LRIG1: variants seen among roughly 807,000 people sequenced by gnomAD.
The protein encoded by LRIG1 is leucine rich repeats and immunoglobulin like domains 1, also known as leucine-rich repeats and immunoglobulin-like domains protein 1.
LRIG1 carries 48 observed loss-of-function variants against 99.2 expected under a neutral mutation model. The ratio of observed to expected loss-of-function variants is 0.48; its 90% CI spans 0.38 to 0.62. The LOEUF (loss-of-function observed/expected upper bound fraction) is 0.62, where lower values mean the gene tolerates loss of function less well. Ranked by LOEUF, LRIG1 falls within the 20% of genes least tolerant of loss-of-function variation. The pLI is 0.00. For synonymous variants in LRIG1, 772 were observed against 596.1 expected (o/e 1.29, Z -4.30); for missense variants, 1,646 against 1,434.4 (o/e 1.15, Z -2.38).
intron 7 of LRIG1, among the ~76,000 whole-genome samples, chr3:66,409,388 G>A (rs918922589): frequency 1.3e-5 from 2 of 152,164 alleles, no homozygotes; most frequent in Non-Finnish European, 2.9e-5. Flanking sequence ...GGTGGCCAGG[G>A]CCACTGCCCA....
Position 66,381,498 on chromosome 3 carries a change from T to A in LRIG1, c.2751A>T (p.Thr917=). ...PWKAMEKAEG[T]PGPHKMEHGG... ...TCATACCCATCTTATGTGGCCCAGGTGTCCCTTCAGCTTTCTCCATCGCTT... is the reference window on the plus strand; with the variant it reads ...TCATACCCATCTTATGTGGCCCAGGAGTCCCTTCAGCTTTCTCCATCGCTT... The change falls in exon 17 of 19, where the codon ACA becomes ACT. Residue 917 remains threonine, a synonymous_variant. Coordinates refer to ENST00000273261, the MANE Select transcript of LRIG1 (RefSeq NM_015541.3). 1 of 1,613,654 alleles carries A rather than the reference T, an allele frequency of 6.2e-7. No individual in the cohort carries two copies.
chr3:66,445,987 T>C (rs1429363119), intron 3 of LRIG1, among the ~76,000 whole-genome samples: 2 of 152,200 alleles, frequency 1.3e-5, no homozygotes, highest in Non-Finnish European at 2.9e-5. Context: ...GGGACTCTCA[T>C]TATTCCCCCC....
chr3:66,456,456 C>G (rs1277320507), intron 2 of LRIG1, among the ~76,000 whole-genome samples: 1 of 151,872 alleles, frequency 6.6e-6, no homozygotes, highest in Admixed American at 6.6e-5. Flanking sequence ...GCCTGTAGTT[C>G]CAGCTACTCA....
chr3:66,489,673 G>T (rs867488844), intron 1 of LRIG1, among the ~76,000 whole-genome samples: 1 of 152,006 alleles, frequency 6.6e-6, no homozygotes, highest in Non-Finnish European at 1.5e-5. Flanking sequence ...ATAGAATCAT[G>T]AACCTAAAAA....
At chr3:66,427,952 G>GC (rs1304484141) in intron 3 of LRIG1, among the ~76,000 whole-genome samples, 1 of 152,192 alleles carries the variant, frequency 6.6e-6, no homozygotes, top group Admixed American at 6.5e-5. Context: ...CTGGGTTGCT[G>GC]CATTAGCAGT....
chr3:66,410,494 G>A (rs1206544016), intron 6 of LRIG1, among the ~76,000 whole-genome samples: 2 of 152,324 alleles, frequency 1.3e-5, no homozygotes, highest in South Asian at 2.1e-4. Flanking sequence ...AGGCCGACTC[G>A]AGTGTTCATA....
intron 1 of LRIG1, among the ~76,000 whole-genome samples, chr3:66,486,793 T>A (rs1009889133): frequency 2.0e-5 from 3 of 152,218 alleles, no homozygotes; most frequent in African/African-American, 7.2e-5. Flanking sequence ...CTGACTAGAA[T>A]TTTCCAACTA....
chr3:66,479,428 G>A (rs771563966), intron 1 of LRIG1, among the ~76,000 whole-genome samples: 21 of 152,130 alleles, frequency 1.4e-4, no homozygotes, highest in African/African-American at 2.2e-4. Flanking sequence ...CCAAACAGAC[G>A]GGCAAGTTAT....
At chr3:66,395,814 G>A (rs972894362) in intron 11 of LRIG1, among the ~76,000 whole-genome samples, 1 of 152,196 alleles carries the variant, frequency 6.6e-6, no homozygotes, top group South Asian at 2.1e-4. Flanking sequence ...GGCATGGGGG[G>A]AACTCAGCCT....
chr3:66,381,408 G>A, intron 17 of LRIG1, 71 bp downstream of exon 17: 1 of 1,475,770 alleles, frequency 6.8e-7, no homozygotes, highest in Non-Finnish European at 9.3e-7. Context: ...CTCCCCCTTT[G>A]ATGTAGTGAC....
rs560652426 is a variant in LRIG1 at position 66,385,843 on chromosome 3, C to T, written c.1789+138G>A. The T allele has an allele frequency of 6.7e-5, 54 of 803,956 alleles. No homozygotes were observed. The South Asian group carries it at 7.6e-4, about 11-fold the overall frequency. The allele number at this position is 803,956 out of a possible 1,614,324, so 49.8% of individuals were successfully genotyped here. ...AAACTTGCTCTGGGGCAAACCCAGG[C>T]AACAATAGGATTTAACAGTGCCCCA... On this transcript the variant is annotated intron_variant, in intron 13 of 18. Transcript: ENST00000273261.
intron 2 of LRIG1, among the ~76,000 whole-genome samples, chr3:66,461,426 G>A (rs1219081417): frequency 1.3e-5 from 2 of 152,168 alleles, no homozygotes; most frequent in Non-Finnish European, 2.9e-5. Context: ...TACTGGGTAG[G>A]TAATATATGA....
intron 5 of LRIG1, 27 bp from the exon 6 acceptor site, chr3:66,413,041 G>A (rs758296891): frequency 6.2e-7 from 1 of 1,614,028 alleles, no homozygotes; most frequent in Non-Finnish European, 8.5e-7. Context: ...AGCAGGGTCA[G>A]AGTGTCTTAT....
At chr3:66,483,289 G>A (rs1456374204) in intron 1 of LRIG1, among the ~76,000 whole-genome samples, 1 of 152,208 alleles carries the variant, frequency 6.6e-6, no homozygotes. Flanking sequence ...TGCTCTCTCT[G>A]CCATGGATGG....
Position 66,410,229 on chromosome 3 carries a change from G to C in LRIG1, c.835C>G (p.Leu279Val). ...NSLVEVNSGS[L>V]YGLTALHQLH... Reference sequence around the variant, plus strand: ...TGATGCAGGGCCGTGAGGCCGTAGAGCGAGCCGCTGTTCACTTCTACCAGG... The same window carrying C: ...TGATGCAGGGCCGTGAGGCCGTAGACCGAGCCGCTGTTCACTTCTACCAGG... The change falls in exon 7 of 19, where the codon CTC becomes GTC. Residue 279 changes from leucine to valine, a missense_variant. Leu to Val is a conservative substitution (Grantham distance 32). Transcript: ENST00000273261. 6.2e-7 allele frequency: 1 copy of C among 1,613,902 alleles called. No individual in the cohort carries two copies. Among genetic ancestry groups the C allele is most frequent in the Non-Finnish European group, 8.5e-7 (1 of 1,179,846 alleles).
At chr3:66,453,129 G>A (rs971147336) in intron 2 of LRIG1, among the ~76,000 whole-genome samples, 5 of 152,120 alleles carry the variant, frequency 3.3e-5, no homozygotes, top group Non-Finnish European at 7.4e-5. Context: ...ATTTTTCATA[G>A]TACCCATCAA....
chr3:66,499,452 C>A (rs1176014001), intron 1 of LRIG1, among the ~76,000 whole-genome samples: 1 of 152,156 alleles, frequency 6.6e-6, no homozygotes, highest in East Asian at 1.9e-4. Flanking sequence ...CCCAATGGGG[C>A]CCCAGGGAAC....
At chr3:66,427,821 C>T (rs1703032513) in intron 3 of LRIG1, among the ~76,000 whole-genome samples, 1 of 152,162 alleles carries the variant, frequency 6.6e-6, no homozygotes. Flanking sequence ...CAAAGGAAAC[C>T]TCTAATTTCT....
intron 1 of LRIG1, among the ~76,000 whole-genome samples, chr3:66,498,611 C>T (rs993930349): frequency 1.3e-5 from 2 of 151,154 alleles, no homozygotes; most frequent in African/African-American, 4.9e-5. Flanking sequence ...AATCACAATA[C>T]CCCAGACTAA....
Sources: gnomAD v4.1 joint callset for allele counts (sites outside exome capture counted in the v4.1 genomes callset) on GRCh38, gnomAD v4.1.1 for gene constraint, MANE v1.5 for transcripts, NCBI Gene and HGNC (gene_info 2026-07-23, HGNC 2026-07-21) for gene names.